Variants in MED12L observed in about 807,000 individuals in gnomAD.
MED12L encodes mediator of RNA polymerase II transcription subunit 12-like protein.
Under a neutral mutation model 281.3 loss-of-function variants are expected in MED12L, and 60 were observed. That is an observed-to-expected ratio of 0.21 (90% confidence interval 0.17 to 0.26). The LOEUF (loss-of-function observed/expected upper bound fraction) is 0.26, where lower values mean the gene tolerates loss of function less well. Ranked by LOEUF, MED12L falls within the 10% of genes least tolerant of loss-of-function variation. The pLI is 1.00. For synonymous variants in MED12L, 974 were observed against 987.2 expected (o/e 0.99, Z 0.25); for missense variants, 2,146 against 2,680.9 (o/e 0.80, Z 4.41).
intron 16 of MED12L, among the ~76,000 whole-genome samples, chr3:151,315,275 G>A (rs887725614): frequency 1.3e-5 from 2 of 152,118 alleles, no homozygotes; most frequent in Non-Finnish European, 2.9e-5. Context: ...AAGATATTAA[G>A]GAAGAAAAGC....
intron 16 of MED12L, among the ~76,000 whole-genome samples, chr3:151,309,921 C>A (rs1431655579): frequency 6.6e-6 from 1 of 151,910 alleles, no homozygotes; most frequent in Non-Finnish European, 1.5e-5. Context: ...TTTCTGCCTT[C>A]TGAAGTGAAA....
chr3:151,298,827 T>A (rs1157310754), intron 16 of MED12L, among the ~76,000 whole-genome samples: 2 of 152,168 alleles, frequency 1.3e-5, no homozygotes, highest in African/African-American at 2.4e-5. Flanking sequence ...AAACATAATT[T>A]AAAAAATTAA....
intron 2 of MED12L, among the ~76,000 whole-genome samples, chr3:151,087,389 T>A (rs1448382760): frequency 6.6e-6 from 1 of 152,242 alleles, no homozygotes; most frequent in East Asian, 1.9e-4. Flanking sequence ...TCGTAAACTT[T>A]TTGAAAAATG....
chr3:151,261,486 C>T (rs569236194), intron 16 of MED12L: 4 of 152,136 alleles, frequency 2.6e-5, no homozygotes, highest in Non-Finnish European at 5.9e-5. Flanking sequence ...ACATTACTTC[C>T]GTTAGAGAGG....
intron 16 of MED12L, chr3:151,327,996 C>T (rs772080675): frequency 9.0e-6 from 14 of 1,558,466 alleles, no homozygotes; most frequent in Non-Finnish European, 1.2e-5. Flanking sequence ...AGTTGTCAGC[C>T]TAAGGTTATG....
intron 16 of MED12L, among the ~76,000 whole-genome samples, chr3:151,207,532 G>A (rs1311314026): frequency 5.9e-5 from 9 of 152,016 alleles, no homozygotes. Context: ...GGGGGCTTGG[G>A]TGTCTCTGTG....
At chr3:151,260,263 A>G (rs1334862411) in intron 16 of MED12L, among the ~76,000 whole-genome samples, 2 of 152,202 alleles carry the variant, frequency 1.3e-5, no homozygotes, top group African/African-American at 2.4e-5. Flanking sequence ...TTAAGAGTTG[A>G]TACAGCCAAA....
chr3:151,309,114 TACAC>T (rs1747098039), intron 16 of MED12L, among the ~76,000 whole-genome samples: 2 of 138,070 alleles, frequency 1.4e-5, no homozygotes, highest in South Asian at 2.3e-4. Context: ...TTTCATGAAA[TACAC>T]GCACACACAC....
At chr3:151,102,548 A>G (rs549618049) in intron 2 of MED12L, among the ~76,000 whole-genome samples, 1 of 152,214 alleles carries the variant, frequency 6.6e-6, no homozygotes, top group South Asian at 2.1e-4. Context: ...TCTGCAGTGA[A>G]CATGGTTCAC....
intron 16 of MED12L, among the ~76,000 whole-genome samples, chr3:151,316,206 T>A (rs1577314778): frequency 6.6e-6 from 1 of 151,034 alleles, no homozygotes; most frequent in Non-Finnish European, 1.5e-5. Flanking sequence ...TCTCTCTCTT[T>A]AAAAAAAAAC....
chr3:151,406,988 A>C (rs1358197471), intron 39 of MED12L, among the ~76,000 whole-genome samples: 1 of 151,928 alleles, frequency 6.6e-6, no homozygotes, highest in Non-Finnish European at 1.5e-5. Context: ...TTTTGTAGAG[A>C]TCAGATTTCA....
intron 16 of MED12L, among the ~76,000 whole-genome samples, chr3:151,348,340 C>CAAAAAA (rs11382065): frequency 3.9e-4 from 34 of 87,804 alleles, no homozygotes; most frequent in African/African-American, 1.3e-3. Context: ...ACCACCAGAC[C>CAAAAAA]AAAAAAAAAA....
intron 26 of MED12L, among the ~76,000 whole-genome samples, chr3:151,370,405 C>G (rs1301439409): frequency 1.3e-5 from 2 of 152,108 alleles, no homozygotes; most frequent in Non-Finnish European, 2.9e-5. Context: ...GGGCTATAAT[C>G]TTGCTCTGCT....
chr3:151,134,725 C>T (rs1715885950), intron 5 of MED12L, among the ~76,000 whole-genome samples: 1 of 152,286 alleles, frequency 6.6e-6, no homozygotes, highest in East Asian at 1.9e-4. Flanking sequence ...GAGGACACAG[C>T]TGGAGTGGGC....
chr3:151,114,974 G>A (rs1002777025), intron 2 of MED12L, among the ~76,000 whole-genome samples: 2 of 152,044 alleles, frequency 1.3e-5, no homozygotes, highest in African/African-American at 2.4e-5. Flanking sequence ...TAGTATTTCC[G>A]TGCTGGCTTT....
In MED12L at chr3:151,435,523, A is replaced by ATGAT. The variant is rs893670707; in HGVS notation, c.*2722_*2725dup. ...AAGGGCGCTATTCCACATGTCTCAA[A>ATGAT]TGATTGGCAGGGGCTAACTTATTAG... On this transcript the variant is annotated 3_prime_UTR_variant, in exon 45 of 45. Transcript: ENST00000687756. 14 of 152,208 alleles carry ATGAT rather than the reference A, an allele frequency of 9.2e-5. No individual in the cohort carries two copies. Among genetic ancestry groups the ATGAT allele is most frequent in the South Asian group, 2.1e-4 (1 of 4,808 alleles). The allele number at this position is 152,208 out of a possible 1,614,324, so 9.4% of individuals were successfully genotyped here.
chr3:151,150,046 A>G (rs1041247015), intron 5 of MED12L, among the ~76,000 whole-genome samples: 2 of 152,182 alleles, frequency 1.3e-5, no homozygotes, highest in African/African-American at 2.4e-5. Context: ...ATGGAAGTCA[A>G]TATTTGACCC....
chr3:151,357,427 T>G, intron 20 of MED12L, 51 bp downstream of exon 20: 1 of 1,475,728 alleles, frequency 6.8e-7, no homozygotes, highest in Non-Finnish European at 9.1e-7. Context: ...AATGTATAAC[T>G]AGTGATGAAA....
chr3:151,314,587 C>A (rs1409834524), intron 16 of MED12L, among the ~76,000 whole-genome samples: 1 of 152,200 alleles, frequency 6.6e-6, no homozygotes, highest in Non-Finnish European at 1.5e-5. Flanking sequence ...TCATCTTCAT[C>A]TTGTAGAGGA....
Sources: allele counts gnomAD v4.1 joint callset (sites outside exome capture counted in the v4.1 genomes callset), GRCh38; gene constraint gnomAD v4.1.1; transcripts MANE v1.5; gene names NCBI Gene and HGNC (gene_info 2026-07-23, HGNC 2026-07-21).